ATP1A2: variants seen among roughly 807,000 people sequenced by gnomAD.
The protein encoded by ATP1A2 is ATPase Na+/K+ transporting subunit alpha 2, also known as sodium/potassium-transporting ATPase subunit alpha-2.
In ATP1A2, 56 loss-of-function variants were observed where a neutral mutation model predicts 113.1. The observed-to-expected ratio is 0.49, with a 90% CI of 0.40 to 0.62. The LOEUF is 0.62. Ranked by LOEUF, ATP1A2 falls within the 20% of genes least tolerant of loss-of-function variation. The probability of loss-of-function intolerance (pLI) is 0.00; values close to 1 mark genes in which losing one functional copy is unlikely to be tolerated. For missense variants in ATP1A2, 712 were observed against 1,357.8 expected (o/e 0.52, Z 7.47); for synonymous variants, 490 against 526.8 (o/e 0.93, Z 0.96).
chr1:160,136,030 A>C (rs1651925156), intron 17 of ATP1A2, 37 bp downstream of exon 17: 1 of 1,613,956 alleles, frequency 6.2e-7, no homozygotes, highest in South Asian at 1.1e-5. Flanking sequence ...CAGGCAAGGC[A>C]ATCGTGATGG....
chr1:160,127,285 C>T (rs1314466577), intron 7 of ATP1A2, among the ~76,000 whole-genome samples: 1 of 152,140 alleles, frequency 6.6e-6, no homozygotes, highest in African/African-American at 2.4e-5. Flanking sequence ...TTTATTGAAT[C>T]TTGTCTATTT....
intron 1 of ATP1A2, among the ~76,000 whole-genome samples, chr1:160,118,332 G>GC (rs955864458): frequency 6.6e-6 from 1 of 152,062 alleles, no homozygotes; most frequent in Non-Finnish European, 1.5e-5. Context: ...GTATGCCTGG[G>GC]CCCCCTTCTG....
intron 1 of ATP1A2, among the ~76,000 whole-genome samples, chr1:160,120,325 C>T (rs1651351770): frequency 2.0e-5 from 3 of 152,262 alleles, no homozygotes; most frequent in African/African-American, 7.2e-5. Context: ...ATCAGGCCTG[C>T]TCTTTCCATC....
Position 160,141,470 on chromosome 1 carries a change from G to A in ATP1A2, c.*148G>A, listed in dbSNP as rs996886179. The A allele has an allele frequency of 1.6e-5, 16 of 1,009,662 alleles. No homozygotes were observed. Among genetic ancestry groups the A allele is most frequent in the South Asian group, 5.4e-5 (4 of 73,544 alleles). 62.5% of individuals were successfully genotyped at this position (1,009,662 alleles called of 1,614,324 possible). A position where few individuals can be genotyped will look rare whatever the true frequency, so the allele number is the denominator to read the frequency against. ...GAGGCAACTCAGCAGGCTAAGTTGC[G>A]GGGTATATAAATTGGGGTGATGACC... On this transcript the variant is annotated 3_prime_UTR_variant, in exon 23 of 23. Coordinates refer to ENST00000361216, the MANE Select transcript of ATP1A2 (RefSeq NM_000702.4).
intron 13 of ATP1A2, among the ~76,000 whole-genome samples, chr1:160,131,585 G>T (rs1651772030): frequency 6.6e-6 from 1 of 152,042 alleles, no homozygotes; most frequent in Non-Finnish European, 1.5e-5. Flanking sequence ...GCACTTTGGG[G>T]GGGTCCAAGG....
Position 160,140,120 on chromosome 1 carries a change from G to T in ATP1A2, c.3034+136G>T, listed in dbSNP as rs907952790. 12 of 884,830 alleles carry T rather than the reference G, an allele frequency of 1.4e-5. No homozygotes were observed. The Admixed American group carries it at 2.2e-4, about 16-fold the overall frequency. 54.8% of individuals were successfully genotyped at this position (884,830 alleles called of 1,614,324 possible). A position where few individuals can be genotyped will look rare whatever the true frequency, so the allele number is the denominator to read the frequency against. On this transcript the variant is annotated intron_variant, in intron 22 of 22. Transcript: ENST00000361216. ...AACACCCTCAGATCCTGGGGTCCCA[G>T]GTCCCAGGAGCCCTGACTCTTTCGA... is the stretch of plus-strand genomic sequence containing the variant.
Position 160,134,567 on chromosome 1 carries a change from T to C in ATP1A2, c.1911T>C (p.Thr637=), listed in dbSNP as rs550181745. 15 of 1,614,190 alleles carry C rather than the reference T, an allele frequency of 9.3e-6. No homozygotes were observed. Among genetic ancestry groups the C allele is most frequent in the African/African-American group, 2.7e-5 (2 of 75,040 alleles). Residue 637 remains threonine, a synonymous_variant, in exon 14 of 23, where the codon ACT becomes ACC. Coordinates refer to ENST00000361216, the MANE Select transcript of ATP1A2 (RefSeq NM_000702.4). ...GCATCATATCAGAGGGTAACGAGAC[T>C]GTGGAGGACATTGCAGCCCGGCTCA... ...GVGIISEGNE[T]VEDIAARLNI...
chr1:160,133,777 G>A (rs1651835613), intron 13 of ATP1A2, among the ~76,000 whole-genome samples: 1 of 151,964 alleles, frequency 6.6e-6, no homozygotes, highest in African/African-American at 2.4e-5. Context: ...GTTGTTAAAG[G>A]GTCCTTCCAG....
intron 8 of ATP1A2, 53 bp from the exon 9 acceptor site, chr1:160,128,599 G>A (rs1367617663): frequency 3.1e-6 from 5 of 1,613,262 alleles, no homozygotes; most frequent in Admixed American, 3.3e-5. Context: ...GTAAGGTTAT[G>A]GCCATCTCCG....
chr1:160,123,114 TG>T, intron 3 of ATP1A2, 98 bp from the exon 4 acceptor site: 2 of 1,383,498 alleles, frequency 1.4e-6, no homozygotes, highest in Non-Finnish European at 2.0e-6. Flanking sequence ...ACTTTCCTTC[TG>T]GGCATTCTTC....
In ATP1A2 at chr1:160,123,368, G is replaced by A. The variant is rs763785966; in HGVS notation, c.333G>A (p.Leu111=). Residue 111 remains leucine (L), a synonymous_variant, in exon 4 of 23, where the codon CTG becomes CTA. Coordinates refer to ENST00000361216, the MANE Select transcript of ATP1A2 (RefSeq NM_000702.4). ...GGATTGGGGCTATCCTCTGCTTCCTGGCCTACGGCATCCAGGCTGCCATGG... is the reference window on the plus strand; with the variant it reads ...GGATTGGGGCTATCCTCTGCTTCCTAGCCTACGGCATCCAGGCTGCCATGG... ...LLWIGAILCF[L]AYGIQAAMED... is the part of the protein sequence containing the mutation. 6.2e-7 allele frequency: 1 copy of A among 1,614,170 alleles called. No homozygotes were observed. The highest frequency in any genetic ancestry group is 1.1e-5 in the South Asian group (1 of 91,078).
intron 13 of ATP1A2, among the ~76,000 whole-genome samples, chr1:160,131,163 A>G (rs1487720705): frequency 1.3e-5 from 2 of 152,190 alleles, no homozygotes; most frequent in African/African-American, 4.8e-5. Context: ...CACCTTGCAC[A>G]GTGCCTGATA....
chr1:160,122,615 T>C (rs1000129485), intron 3 of ATP1A2, among the ~76,000 whole-genome samples: 5 of 151,976 alleles, frequency 3.3e-5, no homozygotes, highest in Non-Finnish European at 7.4e-5. Flanking sequence ...AGGCTTTCTG[T>C]GGAAAGTGAC....
At chr1:160,126,768 G>A (rs1257650603) in intron 7 of ATP1A2, among the ~76,000 whole-genome samples, 1 of 152,052 alleles carries the variant, frequency 6.6e-6, no homozygotes, top group Non-Finnish European at 1.5e-5. Flanking sequence ...ACCGAGCCTG[G>A]CCAAATTTCC....
intron 13 of ATP1A2, among the ~76,000 whole-genome samples, chr1:160,131,831 CAA>C (rs112596755): frequency 1.6e-4 from 19 of 120,398 alleles, no homozygotes; most frequent in Middle Eastern, 4.1e-3. Flanking sequence ...GACTCCATCT[CAA>C]AAAAAAAAAA....
At chr1:160,127,847 C>G (rs1455054278) in intron 8 of ATP1A2, 27 bp downstream of exon 8, 3 of 1,564,520 alleles carry the variant, frequency 1.9e-6, no homozygotes, top group African/African-American at 2.7e-5. Context: ...GAGGTGCCAC[C>G]AGGGGAGGGT....
chr1:160,140,147 C>T, intron 22 of ATP1A2, 163 bp downstream of exon 22: 2 of 708,880 alleles, frequency 2.8e-6, no homozygotes, highest in Admixed American at 2.1e-5. Context: ...CTCTTTCGAA[C>T]CTGTTGTCTC....
intron 13 of ATP1A2, 120 bp downstream of exon 13, chr1:160,130,717 A>G: frequency 7.2e-7 from 1 of 1,385,336 alleles, no homozygotes; most frequent in Non-Finnish European, 9.9e-7. Flanking sequence ...ACTGACTCAG[A>G]GAAGAAGCTG....
rs770957516 is a variant in ATP1A2 at position 160,134,471 on chromosome 1, T to G, written c.1828-13T>G. 6.2e-7 allele frequency: 1 copy of G among 1,614,190 alleles called. No individual in the cohort carries two copies. Among genetic ancestry groups the G allele is most frequent in the Non-Finnish European group, 8.5e-7 (1 of 1,180,022 alleles). ...AATACTACTTTCCTGTTGTCTCCTC[T>G]CCTTCCCACTAGGTGATCATGGTAA... On this transcript the variant is annotated splice_polypyrimidine_tract_variant and intron_variant, in intron 13 of 22. Coordinates refer to ENST00000361216, the MANE Select transcript of ATP1A2 (RefSeq NM_000702.4).
Sources: allele counts gnomAD v4.1 joint callset (sites outside exome capture counted in the v4.1 genomes callset), GRCh38; gene constraint gnomAD v4.1.1; transcripts MANE v1.5; gene names NCBI Gene and HGNC (gene_info 2026-07-23, HGNC 2026-07-21).